Variants in A1CF observed in about 807,000 individuals in gnomAD.
A1CF encodes APOBEC-1 stimulating protein.
A neutral mutation model predicts 68.9 loss-of-function variants in A1CF; 48 were observed. The ratio of observed to expected loss-of-function variants is 0.70; its 90% CI spans 0.55 to 0.89. The LOEUF is 0.89. Ranked by LOEUF, A1CF falls within the 40% of genes least tolerant of loss-of-function variation. The probability of loss-of-function intolerance (pLI) is 0.00; values close to 1 mark genes in which losing one functional copy is unlikely to be tolerated. For synonymous variants in A1CF, 272 were observed against 260.4 expected (o/e 1.04, Z -0.43); for missense variants, 653 against 718.9 (o/e 0.91, Z 1.05).
intron 7 of A1CF, 27 bp downstream of exon 7, chr10:50,828,104 A>G: frequency 6.7e-7 from 1 of 1,493,246 alleles, no homozygotes; most frequent in Non-Finnish European, 9.0e-7. Context: ...AATGTTTTGA[A>G]AAACTAATCT....
chr10:50,836,343 A>G lies in A1CF; in HGVS notation c.366-31T>C, dbSNP rs1246211598. 3 of 1,596,764 alleles carry G rather than the reference A, an allele frequency of 1.9e-6. No homozygotes were observed. In the South Asian group the frequency reaches 3.4e-5, roughly 18 times the overall value. On this transcript the variant is annotated intron_variant, in intron 5 of 12. Transcript: ENST00000373997. ...AAAAGAGCAGGGATTTTGATTGATG[A>G]GAATCCTTGTAGGATTCAGGTTGAA...
rs139402153 is a variant in A1CF, at chr10:50,850,740, C to T, written c.100-6618G>A. 3.2e-5 allele frequency: 51 copies of T among 1,614,032 alleles called. No individual in the cohort carries two copies. Among genetic ancestry groups the T allele is most frequent in the African/African-American group, 5.3e-5 (4 of 74,926 alleles). ...TTTTGAGGCCAGGAATTGCTGTGCT[C>T]ATGCTCGCTTCTGGCTCTGGGCATG... On this transcript the variant is annotated intron_variant, in intron 3 of 12. Transcript: ENST00000373997.
chr10:50,866,516 C>T (rs574316536), intron 1 of A1CF, among the ~76,000 whole-genome samples: 1 of 152,248 alleles, frequency 6.6e-6, no homozygotes, highest in Non-Finnish European at 1.5e-5. Context: ...GCCTCAGGTG[C>T]CAGTGGGTCC....
chr10:50,884,493 T>C (rs1031053988), intron 1 of A1CF, among the ~76,000 whole-genome samples: 2 of 152,228 alleles, frequency 1.3e-5, no homozygotes, highest in African/African-American at 4.8e-5. Context: ...CACTGTCATT[T>C]CCAGACCTGT....
At position 50,811,151 on chromosome 10, in the gene A1CF, T is replaced by C. The variant is rs1357679245; in HGVS notation, c.1349A>G (p.Asn450Ser). ...CTGGTACACTGGCTGTCCCCAGTTA[T>C]TTTTCTGACAAATCTCTTCTAATAT... ...PQILEEICQK[N>S]NWGQPVYQLH... is the part of the protein sequence containing the mutation. The change falls in exon 11 of 13, where the codon AAT (asparagine) becomes AGT (serine). Residue 450 changes from asparagine to serine, a missense_variant. Coordinates refer to ENST00000373997, the MANE Select transcript of A1CF (RefSeq NM_014576.4). 2 of 1,612,688 alleles carry C rather than the reference T, an allele frequency of 1.2e-6. No homozygotes were observed. Among genetic ancestry groups the C allele is most frequent in the Admixed American group, 3.3e-5 (2 of 59,948 alleles).
chr10:50,842,301 C>T (rs1276003080), intron 4 of A1CF, among the ~76,000 whole-genome samples: 1 of 152,180 alleles, frequency 6.6e-6, no homozygotes, highest in Non-Finnish European at 1.5e-5. Context: ...TTATCTGGAA[C>T]ATCTTAGAGA....
chr10:50,832,724 A>G (rs1263405607), intron 6 of A1CF, among the ~76,000 whole-genome samples: 1 of 152,218 alleles, frequency 6.6e-6, no homozygotes, highest in African/African-American at 2.4e-5. Flanking sequence ...TTGTGAGGTC[A>G]GGAAAAGATG....
At chr10:50,839,215 G>A (rs1283992521) in intron 5 of A1CF, among the ~76,000 whole-genome samples, 3 of 152,110 alleles carry the variant, frequency 2.0e-5, no homozygotes, top group Non-Finnish European at 4.4e-5. Flanking sequence ...AGTATTTACA[G>A]GCCCTATTGG....
At chr10:50,825,748 A>G (rs751847077) in intron 7 of A1CF, among the ~76,000 whole-genome samples, 1 of 152,140 alleles carries the variant, frequency 6.6e-6, no homozygotes, top group Non-Finnish European at 1.5e-5. Context: ...GCAACTAACT[A>G]TCCCCTTCCA....
At chr10:50,811,338 T>C (rs1838101978) in intron 10 of A1CF, among the ~76,000 whole-genome samples, 162 bp from the exon 11 acceptor site, 1 of 152,236 alleles carries the variant, frequency 6.6e-6, no homozygotes, top group South Asian at 2.1e-4. Context: ...TGAACTCAAT[T>C]TGAACTCCAT....
At chr10:50,872,274 A>G (rs1223370585) in intron 1 of A1CF, among the ~76,000 whole-genome samples, 3 of 152,228 alleles carry the variant, frequency 2.0e-5, no homozygotes, top group African/African-American at 7.2e-5. Flanking sequence ...TACTGAACAC[A>G]TATGCTATGT....
rs534818614 is a variant in A1CF at position 50,883,230 on chromosome 10, G to A, written c.-94+2351C>T. On this transcript the variant is annotated intron_variant, in intron 1 of 12. Transcript: ENST00000373997. ...TGTTACAAATAGGAAAATGAAAAGG[G>A]AAGTGGGGTTTTTGCTGAATTCTTA... 7.9e-5 allele frequency among the ~76,000 whole-genome samples: 12 copies of A among 152,246 alleles called. No homozygotes were observed. The South Asian group carries it at 2.5e-3, about 32-fold the overall frequency.
chr10:50,843,481 C>T (rs1478364130), intron 4 of A1CF, among the ~76,000 whole-genome samples: 1 of 152,014 alleles, frequency 6.6e-6, no homozygotes, highest in African/African-American at 2.4e-5. Context: ...TGTATTCTTC[C>T]TTTAACTGAA....
chr10:50,819,312 G>A lies in A1CF; in HGVS notation c.867+1240C>T, dbSNP rs1838525940. Among the ~76,000 whole-genome samples the A allele has an allele frequency of 2.0e-5, 3 of 152,032 alleles. 1 individual carries two copies. Among genetic ancestry groups the A allele is most frequent in the Admixed American group, 2.0e-4 (3 of 15,258 alleles). ...TGCTCGGCTAATTTTTTGTAGAGAT[G>A]AGGTCTTGCCATCTTGTCCAGGCTG... On this transcript the variant is annotated intron_variant, in intron 8 of 12. Transcript: ENST00000373997.
intron 5 of A1CF, among the ~76,000 whole-genome samples, chr10:50,839,115 G>T (rs1412751752): frequency 6.6e-6 from 1 of 152,072 alleles, no homozygotes; most frequent in African/African-American, 2.4e-5. Context: ...CACAGACAAA[G>T]ACACTAAAAT....
chr10:50,810,368 A>C (rs186469161), intron 11 of A1CF, among the ~76,000 whole-genome samples: 20 of 152,340 alleles, frequency 1.3e-4, no homozygotes, highest in Non-Finnish European at 1.8e-4. Flanking sequence ...GATATCCACT[A>C]ACAGAGAGGT....
At chr10:50,877,892 G>A (rs768028278) in intron 1 of A1CF, among the ~76,000 whole-genome samples, 1 of 152,220 alleles carries the variant, frequency 6.6e-6, no homozygotes, top group Non-Finnish European at 1.5e-5. Flanking sequence ...GGAGGCTGAG[G>A]CAGGAGGATC....
At chr10:50,807,696 CT>C (rs1249391186) in intron 12 of A1CF, among the ~76,000 whole-genome samples, 3 of 152,160 alleles carry the variant, frequency 2.0e-5, no homozygotes, top group Non-Finnish European at 4.4e-5. Context: ...CATTATTTCT[CT>C]GTATTGTTTT....
At chr10:50,876,038 T>C (rs1841496418) in intron 1 of A1CF, among the ~76,000 whole-genome samples, 1 of 152,228 alleles carries the variant, frequency 6.6e-6, no homozygotes, top group South Asian at 2.1e-4. Flanking sequence ...GCTTTTTATT[T>C]TACCTAGGCG....
Sources: allele counts gnomAD v4.1 joint callset (sites outside exome capture counted in the v4.1 genomes callset), GRCh38; gene constraint gnomAD v4.1.1; transcripts MANE v1.5; gene names NCBI Gene and HGNC (gene_info 2026-07-23, HGNC 2026-07-21).